INPP4B: variants seen among roughly 807,000 people sequenced by gnomAD.
INPP4B encodes inositol polyphosphate-4-phosphatase type II B, also known as inositol polyphosphate 4-phosphatase type II.
A neutral mutation model predicts 122.5 loss-of-function variants in INPP4B; 55 were observed. The ratio of observed to expected loss-of-function variants is 0.45; its 90% CI spans 0.36 to 0.56. The LOEUF (loss-of-function observed/expected upper bound fraction) is 0.56. Ranked by LOEUF, INPP4B falls within the 20% of genes least tolerant of loss-of-function variation. The probability of loss-of-function intolerance (pLI) is 0.00; values close to 1 mark genes in which losing one functional copy is unlikely to be tolerated. For synonymous variants in INPP4B, 403 were observed against 388.7 expected (o/e 1.04, Z -0.43); for missense variants, 1,000 against 1,097.7 (o/e 0.91, Z 1.26).
intron 1 of INPP4B, among the ~76,000 whole-genome samples, chr4:142,739,842 C>T (rs1459446385): frequency 6.6e-6 from 1 of 152,032 alleles, no homozygotes; most frequent in African/African-American, 2.4e-5. Flanking sequence ...TTTTATTGAG[C>T]CTTTGCTCAA....
At chr4:142,165,409 C>T (rs1822259112) in intron 16 of INPP4B, among the ~76,000 whole-genome samples, 1 of 151,690 alleles carries the variant, frequency 6.6e-6, no homozygotes, top group African/African-American at 2.4e-5. Context: ...GGATACTTTC[C>T]ACAGTCTCTT....
At chr4:142,476,921 G>A (rs1156499212) in intron 2 of INPP4B, among the ~76,000 whole-genome samples, 1 of 152,058 alleles carries the variant, frequency 6.6e-6, no homozygotes, top group East Asian at 1.9e-4. Context: ...AAGTAACAAA[G>A]ATATTCAAGA....
Position 142,502,549 on chromosome 4 carries a change from C to T in INPP4B, c.-190-39823G>A, listed in dbSNP as rs532962420. Among the ~76,000 whole-genome samples the T allele has an allele frequency of 7.2e-5, 11 of 152,148 alleles. No individual in the cohort carries two copies. The East Asian group carries it at 7.7e-4, about 11-fold the overall frequency. On this transcript the variant is annotated intron_variant, in intron 2 of 25. Transcript: ENST00000262992. ...TGTCACCCAGGCTGGAATGCAATGA[C>T]GTAATTTCAGCTCACTGCAACCTCC...
At chr4:142,836,645 G>T (rs1207749978) in intron 1 of INPP4B, among the ~76,000 whole-genome samples, 8 of 150,392 alleles carry the variant, frequency 5.3e-5, no homozygotes, top group Admixed American at 1.3e-4. Context: ...TAAAGAATTA[G>T]ATATAAATTT....
At chr4:142,813,394 A>C (rs568650374) in intron 1 of INPP4B, among the ~76,000 whole-genome samples, 2 of 152,224 alleles carry the variant, frequency 1.3e-5, no homozygotes, top group African/African-American at 4.8e-5. Context: ...GGAGCCAAAA[A>C]TCTCTGGATG....
At chr4:142,132,619 T>C (rs1267394433) in intron 18 of INPP4B, among the ~76,000 whole-genome samples, 1 of 152,200 alleles carries the variant, frequency 6.6e-6, no homozygotes, top group African/African-American at 2.4e-5. Flanking sequence ...GGATGAACTG[T>C]TGTCTAGCTC....
rs558829614 is a variant in INPP4B at position 142,837,941 on chromosome 4, G to C, written c.-254+8268C>G. ...TACCAATAATCTTAAGGTCTAAGTT[G>C]AGAGGGAAGGCTAAACAATTGATAA... On this transcript the variant is annotated intron_variant, in intron 1 of 25. Transcript: ENST00000262992. Among the ~76,000 whole-genome samples, 3 of 152,014 alleles carry C rather than the reference G, an allele frequency of 2.0e-5. No individual in the cohort carries two copies. The South Asian group carries it at 6.2e-4, about 32-fold the overall frequency.
intron 2 of INPP4B, among the ~76,000 whole-genome samples, chr4:142,539,565 C>T (rs915387328): frequency 6.6e-6 from 1 of 151,910 alleles, no homozygotes; most frequent in Non-Finnish European, 1.5e-5. Context: ...ATTTCTTATA[C>T]TGAATCTTGC....
intron 1 of INPP4B, among the ~76,000 whole-genome samples, chr4:142,775,445 G>A (rs915060013): frequency 6.6e-6 from 1 of 151,890 alleles, no homozygotes; most frequent in Non-Finnish European, 1.5e-5. Context: ...TGGATATGTT[G>A]AGTATCCTTT....
At chr4:142,749,586 C>A (rs938046172) in intron 1 of INPP4B, among the ~76,000 whole-genome samples, 1 of 151,656 alleles carries the variant, frequency 6.6e-6, no homozygotes, top group Non-Finnish European at 1.5e-5. Flanking sequence ...AATAAAAGAT[C>A]CAGTTCACCT....
intron 12 of INPP4B, among the ~76,000 whole-genome samples, chr4:142,213,431 A>G (rs1845708758): frequency 6.6e-6 from 1 of 152,174 alleles, no homozygotes; most frequent in Admixed American, 6.5e-5. Flanking sequence ...TGCCTCTGTC[A>G]CTAAGATCTA....
chr4:142,257,582 T>C (rs1024316705), intron 11 of INPP4B, among the ~76,000 whole-genome samples: 7 of 152,024 alleles, frequency 4.6e-5, no homozygotes, highest in Non-Finnish European at 1.0e-4. Context: ...GAGAGCCAAA[T>C]CATGAGTGAA....
intron 2 of INPP4B, among the ~76,000 whole-genome samples, chr4:142,716,042 C>T (rs939511197): frequency 2.6e-5 from 4 of 152,290 alleles, no homozygotes; most frequent in Non-Finnish European, 1.5e-5. Context: ...GAGAGGCAAG[C>T]AGCTTCTATG....
At chr4:142,717,631 A>G (rs1364926680) in intron 2 of INPP4B, among the ~76,000 whole-genome samples, 1 of 152,200 alleles carries the variant, frequency 6.6e-6, no homozygotes, top group African/African-American at 2.4e-5. Context: ...TGAGCAAACT[A>G]TCACAAGGAC....
At chr4:142,772,561 C>CAA (rs1400136649) in intron 1 of INPP4B, among the ~76,000 whole-genome samples, 1 of 151,920 alleles carries the variant, frequency 6.6e-6, no homozygotes, top group African/African-American at 2.4e-5. Context: ...CAGGAAGGTG[C>CAA]AAAAGCAAAT....
At chr4:142,792,297 A>G (rs975611186) in intron 1 of INPP4B, among the ~76,000 whole-genome samples, 3 of 152,054 alleles carry the variant, frequency 2.0e-5, no homozygotes, top group Non-Finnish European at 2.9e-5. Context: ...CAATTGGCAA[A>G]ACAATACATA....
intron 8 of INPP4B, among the ~76,000 whole-genome samples, chr4:142,312,661 A>T (rs1443558739): frequency 1.3e-5 from 2 of 152,196 alleles, no homozygotes; most frequent in African/African-American, 4.8e-5. Flanking sequence ...ACAGCACAGA[A>T]AGTGGCTGAC....
intron 1 of INPP4B, among the ~76,000 whole-genome samples, chr4:142,796,118 T>A (rs1777203068): frequency 6.6e-6 from 1 of 152,030 alleles, no homozygotes; most frequent in Non-Finnish European, 1.5e-5. Context: ...TTGAAGATAA[T>A]CATCGTTCTA....
chr4:142,625,339 CA>C (rs769277654), intron 2 of INPP4B, among the ~76,000 whole-genome samples: 94 of 152,228 alleles, frequency 6.2e-4, no homozygotes, highest in South Asian at 1.2e-3. Flanking sequence ...ACACCAATAA[CA>C]GACAAAGAGA....
Sources: allele counts gnomAD v4.1 joint callset (sites outside exome capture counted in the v4.1 genomes callset), GRCh38; gene constraint gnomAD v4.1.1; transcripts MANE v1.5; gene names NCBI Gene and HGNC (gene_info 2026-07-23, HGNC 2026-07-21).